PTPRK: variants seen among roughly 807,000 people sequenced by gnomAD.
The protein encoded by PTPRK is receptor-type tyrosine-protein phosphatase kappa.
A neutral mutation model predicts 178.0 loss-of-function variants in PTPRK; 75 were observed. That is an observed-to-expected ratio of 0.42 (90% CI 0.35 to 0.51). PTPRK has a LOEUF of 0.51. Ranked by LOEUF, PTPRK falls within the 20% of genes least tolerant of loss-of-function variation. PTPRK has a pLI of 0.02. For missense variants in PTPRK, 1,441 were observed against 1,797.8 expected, an observed-to-expected ratio of 0.80 and a Z score of 3.59; for synonymous variants, 637 against 620.6, an observed-to-expected ratio of 1.03 and a Z score of -0.39.
intron 2 of PTPRK, among the ~76,000 whole-genome samples, chr6:128,339,951 A>C (rs1831447767): frequency 6.6e-6 from 1 of 152,164 alleles, no homozygotes; most frequent in Non-Finnish European, 1.5e-5. Context: ...CTAGTTGCCC[A>C]GAATCAATAT....
chr6:128,437,171 A>G (rs904552024), intron 1 of PTPRK, among the ~76,000 whole-genome samples: 44 of 152,290 alleles, frequency 2.9e-4, no homozygotes, highest in African/African-American at 9.9e-4. Context: ...CTAACTGTAT[A>G]AGACCCAGAA....
At chr6:128,372,140 G>A (rs1276746748) in intron 2 of PTPRK, among the ~76,000 whole-genome samples, 1 of 152,082 alleles carries the variant, frequency 6.6e-6, no homozygotes, top group African/African-American at 2.4e-5. Context: ...CCTAGCTCTA[G>A]CCCCAACTTC....
At chr6:128,482,817 C>G (rs553970721) in intron 1 of PTPRK, among the ~76,000 whole-genome samples, 65 of 152,242 alleles carry the variant, frequency 4.3e-4, no homozygotes, top group Non-Finnish European at 8.4e-4. Flanking sequence ...ATTCTTCTGA[C>G]AGGAGGGATC....
chr6:127,981,979 A>G (rs1318969982), intron 24 of PTPRK, among the ~76,000 whole-genome samples: 3 of 152,108 alleles, frequency 2.0e-5, no homozygotes, highest in Admixed American at 2.0e-4. Flanking sequence ...AGCTGGGACT[A>G]CAGGCATGCA....
chr6:128,477,839 T>C (rs1043630719), intron 1 of PTPRK, among the ~76,000 whole-genome samples: 2 of 152,118 alleles, frequency 1.3e-5, no homozygotes, highest in Non-Finnish European at 2.9e-5. Flanking sequence ...AAAATCCGTC[T>C]TTTTTCATAG....
chr6:128,124,241 G>T lies in PTPRK; in HGVS notation c.1163-34249C>A, dbSNP rs989767763. Among the ~76,000 whole-genome samples the T allele has an allele frequency of 3.3e-5, 5 of 151,764 alleles. 1 individual carries two copies. The South Asian group carries it at 1.0e-3, about 32-fold the overall frequency. ...GTATTTTTAGTAGAGACAGGGTTTC[G>T]CCATGTTGACCAGGCTGGTCTCAAA... On this transcript the variant is annotated intron_variant, in intron 7 of 29. Coordinates refer to ENST00000368226, the MANE Select transcript of PTPRK (RefSeq NM_002844.4).
chr6:128,242,424 A>T, intron 4 of PTPRK, 97 bp downstream of exon 4: 1 of 1,478,802 alleles, frequency 6.8e-7, no homozygotes, highest in Non-Finnish European at 9.0e-7. Flanking sequence ...AACAAGAGAG[A>T]CAGCAAAAAC....
rs376055065 is a variant in PTPRK, at chr6:127,981,267, C to T, written c.3560G>A (p.Arg1187Gln). 100 of 1,613,356 alleles carry T rather than the reference C, an allele frequency of 6.2e-5. No homozygotes were observed. The highest frequency in any genetic ancestry group is 2.7e-4 in the East Asian group (12 of 44,808). ...EFQTLNSVTP[R>Q]LQAEDCSIAC... ...TATACTGCAGTCTTCAGCTTGTAGT[C>T]GAGGGGTGACTGAATTCAGAGTCTA... Residue 1187 changes from arginine (R) to glutamine (Q), a missense_variant, in exon 25 of 30, where the codon CGA becomes CAA. Physicochemically the swap from Arg to Gln is conservative, Grantham distance 43 (BLOSUM62 1). Coordinates refer to ENST00000368226, the MANE Select transcript of PTPRK (RefSeq NM_002844.4).
intron 13 of PTPRK, among the ~76,000 whole-genome samples, chr6:128,055,073 C>T (rs1779671947): frequency 6.6e-6 from 1 of 152,096 alleles, no homozygotes; most frequent in Non-Finnish European, 1.5e-5. Context: ...CTATCACATC[C>T]ATCTTTCTCT....
chr6:128,333,313 A>G (rs1160415145), intron 2 of PTPRK, among the ~76,000 whole-genome samples: 2 of 152,224 alleles, frequency 1.3e-5, no homozygotes, highest in Admixed American at 6.5e-5. Flanking sequence ...GAATGAGTGC[A>G]CAACACATCT....
chr6:128,359,188 C>T (rs1029752375), intron 2 of PTPRK, among the ~76,000 whole-genome samples: 7 of 151,920 alleles, frequency 4.6e-5, no homozygotes, highest in African/African-American at 7.2e-5. Context: ...CGGTGGCTCA[C>T]GCCTGTAATC....
chr6:128,265,417 T>A (rs1224030256), intron 3 of PTPRK, among the ~76,000 whole-genome samples: 1 of 152,130 alleles, frequency 6.6e-6, no homozygotes, highest in Non-Finnish European at 1.5e-5. Context: ...ATAATACTGA[T>A]CATGTACTAG....
At chr6:128,507,328 C>G (rs950869258) in intron 1 of PTPRK, among the ~76,000 whole-genome samples, 1 of 152,102 alleles carries the variant, frequency 6.6e-6, no homozygotes, top group Non-Finnish European at 1.5e-5. Flanking sequence ...AAAATTTACA[C>G]TTCTCCAAAA....
At chr6:128,394,167 C>T (rs991055443) in intron 2 of PTPRK, among the ~76,000 whole-genome samples, 13 of 152,054 alleles carry the variant, frequency 8.5e-5, no homozygotes, top group African/African-American at 2.4e-4. Context: ...ATTGTGTTTG[C>T]GAAATTCATT....
chr6:128,080,481 A>C (rs1784622127), intron 10 of PTPRK, among the ~76,000 whole-genome samples: 1 of 152,090 alleles, frequency 6.6e-6, no homozygotes, highest in Admixed American at 6.6e-5. Context: ...TAATCTGTTT[A>C]AAATACTGTC....
At chr6:128,106,189 C>G (rs541814030) in intron 7 of PTPRK, among the ~76,000 whole-genome samples, 1 of 152,210 alleles carries the variant, frequency 6.6e-6, no homozygotes, top group African/African-American at 2.4e-5. Flanking sequence ...AATTACCTGG[C>G]AAACTTTATG....
At chr6:128,171,319 G>A (rs893065515) in intron 7 of PTPRK, among the ~76,000 whole-genome samples, 1 of 151,930 alleles carries the variant, frequency 6.6e-6, no homozygotes, top group Non-Finnish European at 1.5e-5. Flanking sequence ...TTTCATATTA[G>A]TACAAAAAAC....
intron 12 of PTPRK, among the ~76,000 whole-genome samples, chr6:128,065,815 C>T (rs939866080): frequency 2.0e-5 from 3 of 152,112 alleles, no homozygotes; most frequent in Admixed American, 6.6e-5. Context: ...CCCATAAAGG[C>T]CCCAAAGGAT....
chr6:128,009,107 G>C, intron 14 of PTPRK, 23 bp downstream of exon 14: 2 of 1,602,676 alleles, frequency 1.2e-6, no homozygotes, highest in East Asian at 4.5e-5. Flanking sequence ...AAGTGAGTGG[G>C]ACAGGACAAT....
Sources: allele counts gnomAD v4.1 joint callset (sites outside exome capture counted in the v4.1 genomes callset), GRCh38; gene constraint gnomAD v4.1.1; transcripts MANE v1.5; gene names NCBI Gene and HGNC (gene_info 2026-07-23, HGNC 2026-07-21).